The following CTNND2 variants were observed in gnomAD, a reference collection of about 807,000 sequenced individuals.
CTNND2 encodes catenin delta 2, also known as catenin delta-2.
In CTNND2, 22 loss-of-function variants were observed where a neutral mutation model predicts 144.4. The observed-to-expected ratio is 0.15, with a 90% confidence interval of 0.11 to 0.22. The LOEUF (loss-of-function observed/expected upper bound fraction) is 0.22. CTNND2 is among the 10% of genes least tolerant of loss of function. The pLI is 1.00. For synonymous variants in CTNND2, 751 were observed against 695.6 expected (o/e 1.08, Z -1.25); for missense variants, 1,353 against 1,618.8 (o/e 0.84, Z 2.82).
intron 1 of CTNND2, among the ~76,000 whole-genome samples, chr5:11,764,692 A>G (rs1323165417): frequency 6.6e-6 from 1 of 152,174 alleles, no homozygotes; most frequent in Non-Finnish European, 1.5e-5. Flanking sequence ...AAAGATCGTA[A>G]CTGATACAGT....
chr5:11,309,765 A>G (rs1342052942), intron 9 of CTNND2, among the ~76,000 whole-genome samples: 1 of 152,180 alleles, frequency 6.6e-6, no homozygotes, highest in Non-Finnish European at 1.5e-5. Flanking sequence ...GTTGCTCAAA[A>G]TCTTGTGTCA....
chr5:11,156,107 A>G (rs764540929), intron 12 of CTNND2, among the ~76,000 whole-genome samples: 9 of 152,166 alleles, frequency 5.9e-5, no homozygotes, highest in Non-Finnish European at 2.9e-5. Flanking sequence ...AGCTTGAGAA[A>G]CTGGACAGAG....
intron 3 of CTNND2, among the ~76,000 whole-genome samples, chr5:11,422,153 G>A (rs1762416881): frequency 6.6e-6 from 1 of 152,044 alleles, no homozygotes; most frequent in South Asian, 2.1e-4. Context: ...GTCTATACCT[G>A]GGGACCAATA....
chr5:11,416,482 G>A (rs971080005), intron 3 of CTNND2, among the ~76,000 whole-genome samples: 1 of 152,166 alleles, frequency 6.6e-6, no homozygotes, highest in Non-Finnish European at 1.5e-5. Context: ...GAGAAAGCTG[G>A]TTTGGATTTT....
At chr5:11,793,914 T>A (rs1174707293) in intron 1 of CTNND2, among the ~76,000 whole-genome samples, 1 of 152,254 alleles carries the variant, frequency 6.6e-6, no homozygotes, top group African/African-American at 2.4e-5. Context: ...GTGACAGTTT[T>A]CATAGACATA....
At chr5:11,861,133 C>A (rs1159908727) in intron 1 of CTNND2, among the ~76,000 whole-genome samples, 1 of 152,168 alleles carries the variant, frequency 6.6e-6, no homozygotes, top group Non-Finnish European at 1.5e-5. Flanking sequence ...GTCTGTACTG[C>A]ATGATCACCA....
intron 16 of CTNND2, among the ~76,000 whole-genome samples, chr5:11,027,567 C>T (rs116274707): frequency 6.6e-5 from 10 of 152,224 alleles, no homozygotes; most frequent in African/African-American, 2.4e-4. Context: ...CAATGATGGA[C>T]TAACTGAAAC....
At chr5:11,586,834 C>T (rs557740086) in intron 2 of CTNND2, among the ~76,000 whole-genome samples, 20 of 152,124 alleles carry the variant, frequency 1.3e-4, no homozygotes, top group Non-Finnish European at 2.6e-4. Flanking sequence ...AGAAAATTCT[C>T]ACAATTTTTT....
chr5:11,877,503 T>G (rs962943), intron 1 of CTNND2, among the ~76,000 whole-genome samples: 1 of 151,938 alleles, frequency 6.6e-6, no homozygotes, highest in Non-Finnish European at 1.5e-5. Context: ...AATAAGCATA[T>G]GTAATTTTTA....
chr5:11,866,394 C>A (rs1795770903), intron 1 of CTNND2, among the ~76,000 whole-genome samples: 1 of 152,136 alleles, frequency 6.6e-6, no homozygotes, highest in Admixed American at 6.5e-5. Context: ...TGAATGCAGT[C>A]AGGTATAACC....
chr5:11,676,598 TAA>T (rs747511362), intron 2 of CTNND2, among the ~76,000 whole-genome samples: 30 of 135,756 alleles, frequency 2.2e-4, no homozygotes, highest in African/African-American at 1.9e-4. Context: ...CGTAAAAAGT[TAA>T]AAAAAAAAAA....
chr5:11,677,342 T>C (rs1464853308), intron 2 of CTNND2, among the ~76,000 whole-genome samples: 1 of 152,210 alleles, frequency 6.6e-6, no homozygotes, highest in Non-Finnish European at 1.5e-5. Flanking sequence ...TTTTCTGGTC[T>C]AGAAATACTA....
At chr5:11,185,481 G>T (rs1420198118) in intron 11 of CTNND2, among the ~76,000 whole-genome samples, 1 of 152,216 alleles carries the variant, frequency 6.6e-6, no homozygotes, top group Non-Finnish European at 1.5e-5. Flanking sequence ...GGGATTACAG[G>T]CCTCATGATA....
chr5:10,987,700 ACCTCCCCTCC>A (rs545484776), intron 20 of CTNND2, among the ~76,000 whole-genome samples: 184 of 18,262 alleles, frequency 0.01, no homozygotes, highest in African/African-American at 0.034. Context: ...TCCCCTCCCC[ACCTCCCCTCC>A]CCTCCCCTCC....
intron 18 of CTNND2, among the ~76,000 whole-genome samples, chr5:10,999,397 A>C (rs973081914): frequency 6.6e-6 from 1 of 152,126 alleles, no homozygotes; most frequent in African/African-American, 2.4e-5. Context: ...TCTTTTGTGA[A>C]TTCTGTTATA....
chr5:11,172,236 G>A (rs1336498233), intron 11 of CTNND2, among the ~76,000 whole-genome samples: 1 of 152,000 alleles, frequency 6.6e-6, no homozygotes. Flanking sequence ...ACTGGGGCTG[G>A]GAGTTATTTT....
chr5:11,621,850 T>C (rs971957156), intron 2 of CTNND2, among the ~76,000 whole-genome samples: 3 of 152,200 alleles, frequency 2.0e-5, no homozygotes, highest in East Asian at 1.9e-4. Flanking sequence ...ATTAAGCATA[T>C]GTAGGCGGGG....
At chr5:11,506,768 C>T (rs1378749693) in intron 3 of CTNND2, among the ~76,000 whole-genome samples, 2 of 152,214 alleles carry the variant, frequency 1.3e-5, no homozygotes, top group South Asian at 2.1e-4. Flanking sequence ...AAGCCTTCCA[C>T]AACAGGTAGC....
chr5:11,239,438 T>C (rs1741983278), intron 9 of CTNND2, among the ~76,000 whole-genome samples: 1 of 152,128 alleles, frequency 6.6e-6, no homozygotes, highest in Non-Finnish European at 1.5e-5. Flanking sequence ...ATCCCAAGCA[T>C]CCCTTCCCTC....
Sources: gnomAD v4.1 joint callset for allele counts (sites outside exome capture counted in the v4.1 genomes callset) on GRCh38, gnomAD v4.1.1 for gene constraint, MANE v1.5 for transcripts, NCBI Gene and HGNC (gene_info 2026-07-23, HGNC 2026-07-21) for gene names.